OSMR: variants seen among roughly 807,000 people sequenced by gnomAD.
The protein encoded by OSMR is oncostatin-M-specific receptor subunit beta.
A neutral mutation model predicts 99.9 loss-of-function variants in OSMR; 81 were observed. That is an observed-to-expected ratio of 0.81 (90% CI 0.68 to 0.97). The LOEUF (loss-of-function observed/expected upper bound fraction) is 0.97, where lower values mean the gene tolerates loss of function less well. Ranked by LOEUF, OSMR falls within the 50% of genes least tolerant of loss-of-function variation. The probability of loss-of-function intolerance (pLI) is 0.00; values close to 1 mark genes in which losing one functional copy is unlikely to be tolerated. For missense variants in OSMR, 1,099 were observed against 1,153.4 expected (o/e 0.95, Z 0.68); for synonymous variants, 406 against 410.4 (o/e 0.99, Z 0.13).
At position 38,933,257 on chromosome 5, in the gene OSMR, T is replaced by C. The variant is rs558866079; in HGVS notation, c.2753T>C (p.Val918Ala). Residue 918 changes from valine (V) to alanine (A), a missense_variant, in exon 18 of 18, where the codon GTG (valine) becomes GCG (alanine). Physicochemically the swap from Val to Ala is moderately conservative, Grantham distance 64. Transcript: ENST00000274276. ...GCTGGAGAAACAAGTTTGAATTATG[T>C]GTCCCAGTTGGCTTCACCCATGTTT... ...IPAGETSLNY[V>A]SQLASPMFGD... The C allele has an allele frequency of 1.7e-5, 27 of 1,614,062 alleles. No homozygotes were observed. In the Admixed American group the frequency reaches 4.3e-4, roughly 26 times the overall value.
At chr5:38,877,825 A>G (rs1742958283) in intron 3 of OSMR, among the ~76,000 whole-genome samples, 2 of 152,238 alleles carry the variant, frequency 1.3e-5, no homozygotes, top group Admixed American at 6.5e-5. Context: ...TATTAGCCAT[A>G]CACCAAGTGG....
At chr5:38,858,028 A>T (rs572531506) in intron 1 of OSMR, among the ~76,000 whole-genome samples, 1 of 152,196 alleles carries the variant, frequency 6.6e-6, no homozygotes, top group Non-Finnish European at 1.5e-5. Context: ...TAGGGGGTAT[A>T]TGTGATATTT....
Position 38,924,442 on chromosome 5 carries a change from G to C in OSMR, c.1891G>C (p.Val631Leu). 2.5e-6 allele frequency: 4 copies of C among 1,613,998 alleles called. No individual in the cohort carries two copies. Among genetic ancestry groups the C allele is most frequent in the Non-Finnish European group, 3.4e-6 (4 of 1,179,964 alleles). Residue 631 changes from valine to leucine, a missense_variant, in exon 14 of 18, where the codon GTG becomes CTG. Val to Leu is a conservative substitution (Grantham distance 32). Coordinates refer to ENST00000274276, the MANE Select transcript of OSMR (RefSeq NM_003999.3). ...QELAPSDNPH[V>L]LVDTLTSHSF... ...CCTAGCTCCTTCAGACAACCCTCACGTGCTGGTGGATACATTGACATCCCA... is the reference window on the plus strand; with the variant it reads ...CCTAGCTCCTTCAGACAACCCTCACCTGCTGGTGGATACATTGACATCCCA...
At chr5:38,879,668 G>A (rs1001338225) in intron 3 of OSMR, among the ~76,000 whole-genome samples, 2 of 146,544 alleles carry the variant, frequency 1.4e-5, no homozygotes, top group African/African-American at 5.1e-5. Context: ...CTGTTGCCCA[G>A]GGTGGAGTGC....
chr5:38,905,222 G>A (rs1745150733), intron 9 of OSMR, among the ~76,000 whole-genome samples: 1 of 152,152 alleles, frequency 6.6e-6, no homozygotes, highest in Admixed American at 6.5e-5. Context: ...GGAGTGCAGT[G>A]GCTCACACCT....
downstream of OSMR, chr5:38,935,713 G>GAACTT (rs1561419757): frequency 6.6e-6 from 1 of 152,068 alleles, no homozygotes; most frequent in East Asian, 1.9e-4. Flanking sequence ...ATCACCTCAT[G>GAACTT]AACTTACTAA....
intron 9 of OSMR, among the ~76,000 whole-genome samples, chr5:38,905,134 G>A (rs904800152): frequency 6.6e-6 from 1 of 152,118 alleles, no homozygotes; most frequent in Non-Finnish European, 1.5e-5. Flanking sequence ...TTTTACAGAT[G>A]AGGCAACTTG....
Position 38,905,283 on chromosome 5 carries a change from G to A in OSMR, c.1285+780G>A, listed in dbSNP as rs188405162. On this transcript the variant is annotated intron_variant, in intron 9 of 17. Coordinates refer to ENST00000274276, the MANE Select transcript of OSMR (RefSeq NM_003999.3). Reference sequence around the variant, plus strand: ...AGGAAGGTGGATCACGTGGTCAGGAGTTCGAGACCAGCCTGACCAACATGG... The same window carrying A: ...AGGAAGGTGGATCACGTGGTCAGGAATTCGAGACCAGCCTGACCAACATGG... Among the ~76,000 whole-genome samples, 225 of 152,228 alleles carry A rather than the reference G, an allele frequency of 1.5e-3. 2 individuals carry two copies. Among genetic ancestry groups the A allele is most frequent in the Non-Finnish European group, 6.6e-4 (45 of 68,010 alleles).
chr5:38,911,632 TC>T (rs1404852466), intron 9 of OSMR, among the ~76,000 whole-genome samples: 1 of 152,132 alleles, frequency 6.6e-6, no homozygotes, highest in Non-Finnish European at 1.5e-5. Context: ...CAGGTCAATA[TC>T]CTTGATGAAC....
chr5:38,924,824 A>G (rs1746398107), intron 14 of OSMR, among the ~76,000 whole-genome samples: 1 of 152,066 alleles, frequency 6.6e-6, no homozygotes, highest in Admixed American at 6.5e-5. Flanking sequence ...TTTTAGAAGC[A>G]TCTGAAACAC....
chr5:38,853,010 C>T lies in OSMR; in HGVS notation c.-14+6623C>T, dbSNP rs149791198. 6.8e-3 allele frequency among the ~76,000 whole-genome samples: 1,034 copies of T among 152,232 alleles called. 22 individuals are homozygous for T. The highest frequency in any genetic ancestry group is 0.023 in the African/African-American group (976 of 41,540). ...CCTCCCAAAGTGCTGGGATTACAGG[C>T]GTGAGCCACCGCGCCCGGCCCTATT... On this transcript the variant is annotated intron_variant, in intron 1 of 17. Transcript: ENST00000274276.
intron 2 of OSMR, among the ~76,000 whole-genome samples, chr5:38,873,299 C>T (rs1441864130): frequency 6.6e-6 from 1 of 152,202 alleles, no homozygotes; most frequent in Non-Finnish European, 1.5e-5. Flanking sequence ...AACAGTCCTT[C>T]GTGTGTGTAT....
intron 9 of OSMR, among the ~76,000 whole-genome samples, chr5:38,912,630 C>G (rs527772511): frequency 6.6e-6 from 1 of 152,108 alleles, no homozygotes; most frequent in African/African-American, 2.4e-5. Flanking sequence ...CATTTCTAAG[C>G]AAAAAGGACA....
At chr5:38,849,070 G>A (rs1336950818) in intron 1 of OSMR, among the ~76,000 whole-genome samples, 1 of 152,056 alleles carries the variant, frequency 6.6e-6, no homozygotes, top group Non-Finnish European at 1.5e-5. Flanking sequence ...GAGCCACTGC[G>A]CCCGGCCAGC....
intron 1 of OSMR, chr5:38,941,296 A>G (rs1391987800): frequency 4.3e-6 from 1 of 230,804 alleles, no homozygotes; most frequent in Non-Finnish European, 8.6e-6. Flanking sequence ...TTTTCACTAC[A>G]ATTTTTCTCA....
At chr5:38,886,410 A>T in intron 7 of OSMR, 1 of 1,292,652 alleles carries the variant, frequency 7.7e-7, no homozygotes, top group Non-Finnish European at 1.0e-6. Flanking sequence ...TGAGCTTACT[A>T]CCCAACTTCA....
chr5:38,936,368 TAAAA>T (rs564312102), downstream of OSMR, among the ~76,000 whole-genome samples: 1 of 151,868 alleles, frequency 6.6e-6, no homozygotes, highest in African/African-American at 2.4e-5. Flanking sequence ...AATAATTCCT[TAAAA>T]AAAATCAATC....
chr5:38,907,067 G>T (rs1414470659), intron 9 of OSMR, among the ~76,000 whole-genome samples: 2 of 152,158 alleles, frequency 1.3e-5, no homozygotes, highest in African/African-American at 2.4e-5. Context: ...TCAGGCAAGA[G>T]AAACACATCC....
chr5:38,930,146 C>T (rs954002565), intron 15 of OSMR, among the ~76,000 whole-genome samples: 6 of 152,176 alleles, frequency 3.9e-5, no homozygotes, highest in African/African-American at 9.7e-5. Flanking sequence ...ATATCCTTCA[C>T]GTTGGCAAAA....
Sources: gnomAD v4.1 joint callset for allele counts (sites outside exome capture counted in the v4.1 genomes callset) on GRCh38, gnomAD v4.1.1 for gene constraint, MANE v1.5 for transcripts, NCBI Gene and HGNC (gene_info 2026-07-23, HGNC 2026-07-21) for gene names.